SLC30A8: variants seen among roughly 807,000 people sequenced by gnomAD.
The protein encoded by SLC30A8 is solute carrier family 30 member 8.
A neutral mutation model predicts 36.9 loss-of-function variants in SLC30A8; 27 were observed. The ratio of observed to expected loss-of-function variants is 0.73; its 90% CI spans 0.54 to 1.01. The LOEUF (loss-of-function observed/expected upper bound fraction) is 1.01, where lower values mean the gene tolerates loss of function less well. Among genes scored for constraint, SLC30A8 ranks in the 50% least tolerant of loss-of-function variants. SLC30A8 has a pLI of 0.00. For synonymous variants in SLC30A8, 164 were observed against 172.4 expected, an observed-to-expected ratio of 0.95 and a Z score of 0.38; for missense variants, 439 against 452.0, an observed-to-expected ratio of 0.97 and a Z score of 0.26.
intron 2 of SLC30A8, among the ~76,000 whole-genome samples, chr8:117,127,001 T>C (rs555448289): frequency 6.6e-6 from 1 of 152,092 alleles, no homozygotes; most frequent in African/African-American, 2.4e-5. Context: ...AGCTTACTCT[T>C]GAGTGCCAAT....
intron 1 of SLC30A8, among the ~76,000 whole-genome samples, chr8:116,957,956 T>A: frequency 6.6e-6 from 1 of 152,184 alleles, no homozygotes; most frequent in East Asian, 1.9e-4. Flanking sequence ...CTCCCACCAC[T>A]GTCACCCATC....
intron 2 of SLC30A8, among the ~76,000 whole-genome samples, chr8:117,104,425 G>T (rs1385382244): frequency 6.6e-6 from 1 of 152,114 alleles, no homozygotes; most frequent in Non-Finnish European, 1.5e-5. Context: ...CTTTCCTCCA[G>T]TTTTCAGTAG....
At chr8:116,953,427 C>T (rs1053640784) in intron 1 of SLC30A8, among the ~76,000 whole-genome samples, 1 of 152,110 alleles carries the variant, frequency 6.6e-6, no homozygotes, top group Non-Finnish European at 1.5e-5. Flanking sequence ...CATGCTGAGT[C>T]AAGTAGTGGA....
intron 6 of SLC30A8, among the ~76,000 whole-genome samples, chr8:117,166,671 C>T (rs1401716112): frequency 6.6e-6 from 1 of 152,032 alleles, no homozygotes; most frequent in South Asian, 2.1e-4. Flanking sequence ...TTCCCACATG[C>T]TGGCCCTGGG....
At chr8:117,020,901 T>TA (rs1297452680) in intron 1 of SLC30A8, among the ~76,000 whole-genome samples, 1 of 152,142 alleles carries the variant, frequency 6.6e-6, no homozygotes, top group Non-Finnish European at 1.5e-5. Flanking sequence ...GCGATAGACT[T>TA]AATAGACCCT....
intron 1 of SLC30A8, among the ~76,000 whole-genome samples, chr8:117,023,247 A>G (rs973421078): frequency 6.6e-6 from 1 of 152,240 alleles, no homozygotes; most frequent in Non-Finnish European, 1.5e-5. Context: ...ATGTGGAGAA[A>G]GAGGAACACT....
At chr8:117,167,480 CAT>C (rs370309015) in intron 6 of SLC30A8, among the ~76,000 whole-genome samples, 6 of 121,034 alleles carry the variant, frequency 5.0e-5, no homozygotes, top group East Asian at 2.8e-4. Flanking sequence ...TGTGCATTTG[CAT>C]ATATATATAT....
At chr8:117,066,627 G>T (rs1356620098) in intron 2 of SLC30A8, among the ~76,000 whole-genome samples, 3 of 152,270 alleles carry the variant, frequency 2.0e-5, no homozygotes, top group Non-Finnish European at 1.5e-5. Flanking sequence ...TCTCCTGGAT[G>T]TTGTGATTGG....
chr8:116,976,446 A>G (rs1479703721), intron 1 of SLC30A8, among the ~76,000 whole-genome samples: 1 of 152,146 alleles, frequency 6.6e-6, no homozygotes, highest in African/African-American at 2.4e-5. Flanking sequence ...TTTTGCAAGT[A>G]GTTGTATTCC....
At chr8:117,026,092 C>T (rs75035610) in intron 1 of SLC30A8, among the ~76,000 whole-genome samples, 3 of 152,104 alleles carry the variant, frequency 2.0e-5, no homozygotes, top group African/African-American at 4.8e-5. Context: ...ACTGCCTGTC[C>T]CTTCACAGCA....
intron 2 of SLC30A8, among the ~76,000 whole-genome samples, chr8:117,075,801 CAAA>C: frequency 6.6e-6 from 1 of 152,178 alleles, no homozygotes; most frequent in Admixed American, 6.5e-5. Flanking sequence ...AACATGCAGG[CAAA>C]AAACCTTGAT....
At chr8:117,004,242 C>T (rs1816101781) in intron 1 of SLC30A8, among the ~76,000 whole-genome samples, 1 of 152,222 alleles carries the variant, frequency 6.6e-6, no homozygotes, top group Non-Finnish European at 1.5e-5. Context: ...AAATTCCTAT[C>T]ACAGCTAATG....
intron 1 of SLC30A8, among the ~76,000 whole-genome samples, chr8:117,003,646 A>G (rs1006584243): frequency 3.3e-5 from 5 of 152,204 alleles, no homozygotes; most frequent in African/African-American, 1.2e-4. Flanking sequence ...GCTTCCTGGA[A>G]GGGATGATAT....
At chr8:117,150,998 C>T (rs1319375280) in intron 2 of SLC30A8, among the ~76,000 whole-genome samples, 3 of 152,126 alleles carry the variant, frequency 2.0e-5, no homozygotes, top group Non-Finnish European at 4.4e-5. Context: ...CATTCAAACC[C>T]TTTGGCTTGA....
chr8:116,990,418 T>C (rs1043461934), intron 1 of SLC30A8, among the ~76,000 whole-genome samples: 1 of 152,204 alleles, frequency 6.6e-6, no homozygotes, highest in African/African-American at 2.4e-5. Context: ...TACTTTCCGA[T>C]ATCATGTAGC....
intron 2 of SLC30A8, among the ~76,000 whole-genome samples, chr8:117,114,623 G>A (rs1217328014): frequency 6.6e-6 from 1 of 152,006 alleles, no homozygotes. Flanking sequence ...AAAGGGTCTC[G>A]AGTTCCTACC....
At chr8:117,093,726 C>A (rs1386235502) in intron 2 of SLC30A8, among the ~76,000 whole-genome samples, 1 of 152,154 alleles carries the variant, frequency 6.6e-6, no homozygotes, top group African/African-American at 2.4e-5. Context: ...AGCCAGAAAC[C>A]TCTGTGGCCA....
intron 1 of SLC30A8, among the ~76,000 whole-genome samples, chr8:117,002,335 A>G (rs1225458280): frequency 1.3e-5 from 2 of 152,180 alleles, no homozygotes; most frequent in Non-Finnish European, 2.9e-5. Flanking sequence ...CTAGCCCTCA[A>G]TGGAATTCTT....
At chr8:117,170,959 T>C (rs1823346735) in intron 6 of SLC30A8, 75 bp from the exon 7 acceptor site, 4 of 1,346,140 alleles carry the variant, frequency 3.0e-6, no homozygotes, top group East Asian at 2.5e-5. Context: ...GTGAGGACTT[T>C]GCAGCTTGTT....
Sources: allele counts gnomAD v4.1 joint callset (sites outside exome capture counted in the v4.1 genomes callset), GRCh38; gene constraint gnomAD v4.1.1; transcripts MANE v1.5; gene names NCBI Gene and HGNC (gene_info 2026-07-23, HGNC 2026-07-21).